MATN2: variants seen among roughly 807,000 people sequenced by gnomAD.
MATN2 encodes matrilin 2, also known as matrilin-2.
MATN2 carries 69 observed loss-of-function variants against 103.2 expected under a neutral mutation model. The ratio of observed to expected loss-of-function variants is 0.67; its 90% CI spans 0.55 to 0.82. The LOEUF (loss-of-function observed/expected upper bound fraction) is 0.82, where lower values mean the gene tolerates loss of function less well. Ranked by LOEUF, MATN2 falls within the 40% of genes least tolerant of loss-of-function variation. The pLI is 0.00. For synonymous variants in MATN2, 429 were observed against 450.2 expected, an observed-to-expected ratio of 0.95 and a Z score of 0.60; for missense variants, 1,023 against 1,211.5, an observed-to-expected ratio of 0.84 and a Z score of 2.31.
At chr8:98,022,880 G>A (rs967584076) in intron 13 of MATN2, among the ~76,000 whole-genome samples, 9 of 152,286 alleles carry the variant, frequency 5.9e-5, no homozygotes, top group African/African-American at 9.6e-5. Context: ...CTGAGATCAG[G>A]AGTTCGAGAC....
chr8:97,993,389 T>C (rs1812462217), intron 6 of MATN2, among the ~76,000 whole-genome samples: 1 of 152,146 alleles, frequency 6.6e-6, no homozygotes, highest in South Asian at 2.1e-4. Context: ...TTTCAAGCAA[T>C]TTTAAACAAT....
intron 14 of MATN2, among the ~76,000 whole-genome samples, chr8:98,029,505 T>C (rs1204093392): frequency 6.6e-6 from 1 of 152,194 alleles, no homozygotes; most frequent in Non-Finnish European, 1.5e-5. Context: ...TTATATGAGG[T>C]GACATCCTCT....
At chr8:97,954,642 G>T (rs1344141494) in intron 4 of MATN2, among the ~76,000 whole-genome samples, 1 of 152,132 alleles carries the variant, frequency 6.6e-6, no homozygotes, top group African/African-American at 2.4e-5. Context: ...GCTCTATAAG[G>T]GTAGGAATTT....
intron 7 of MATN2, among the ~76,000 whole-genome samples, chr8:97,995,135 C>G (rs1170898601): frequency 6.6e-6 from 1 of 152,214 alleles, no homozygotes; most frequent in Non-Finnish European, 1.5e-5. Flanking sequence ...TGCCTGTCAT[C>G]TAGCACATCA....
chr8:97,916,348 G>A (rs1012989657), intron 2 of MATN2, among the ~76,000 whole-genome samples: 1 of 152,166 alleles, frequency 6.6e-6, no homozygotes, highest in African/African-American at 2.4e-5. Flanking sequence ...GAGATTACAG[G>A]CATGAGCCAC....
At position 98,006,259 on chromosome 8, in the gene MATN2, T is replaced by A. The variant is rs113162454; in HGVS notation, c.1328-846T>A. ...TAATGGGGGTAAAAAAAATAGAAAT[T>A]GATTTCATGGAGAATGACAACTCTT... On this transcript the variant is annotated intron_variant, in intron 8 of 18. Coordinates refer to ENST00000254898, the MANE Select transcript of MATN2 (RefSeq NM_002380.5). 1.2e-3 allele frequency among the ~76,000 whole-genome samples: 188 copies of A among 152,328 alleles called. 1 individual carries two copies. The highest frequency in any genetic ancestry group is 4.4e-3 in the African/African-American group (181 of 41,580).
intron 5 of MATN2, among the ~76,000 whole-genome samples, chr8:97,966,213 G>C (rs1471357119): frequency 6.6e-6 from 1 of 151,898 alleles, no homozygotes; most frequent in Non-Finnish European, 1.5e-5. Context: ...GAGCTTCCAT[G>C]GCTGTGAGAG....
chr8:97,874,605 A>G (rs974996110), intron 1 of MATN2, among the ~76,000 whole-genome samples: 1 of 151,738 alleles, frequency 6.6e-6, no homozygotes, highest in African/African-American at 2.4e-5. Context: ...TTGTAGAGAC[A>G]GGGTCTCTCT....
At chr8:97,881,913 CTTTTTTTT>C (rs34704905) in intron 1 of MATN2, among the ~76,000 whole-genome samples, 2 of 84,110 alleles carry the variant, frequency 2.4e-5, no homozygotes, top group African/African-American at 9.1e-5. Context: ...TATTACTTAT[CTTTTTTTT>C]TTTTTTTTTT....
chr8:97,896,183 C>T (rs1818800060), intron 2 of MATN2, among the ~76,000 whole-genome samples: 1 of 152,204 alleles, frequency 6.6e-6, no homozygotes, highest in Non-Finnish European at 1.5e-5. Context: ...AGGCTGATTT[C>T]ATTCTTATTT....
intron 5 of MATN2, among the ~76,000 whole-genome samples, chr8:97,965,661 C>T (rs1443823462): frequency 6.6e-6 from 1 of 151,812 alleles, no homozygotes; most frequent in Non-Finnish European, 1.5e-5. Flanking sequence ...TAGTGAGACC[C>T]CCATCTCTAC....
intron 2 of MATN2, among the ~76,000 whole-genome samples, chr8:97,909,300 T>A (rs1362844284): frequency 3.9e-5 from 6 of 152,250 alleles, no homozygotes; most frequent in Non-Finnish European, 8.8e-5. Flanking sequence ...TATGAGTCAG[T>A]CTGCTCTCTA....
intron 1 of MATN2, among the ~76,000 whole-genome samples, chr8:97,884,773 TAACAACAACAAC>T (rs200495037): frequency 6.6e-6 from 1 of 151,700 alleles, no homozygotes; most frequent in Non-Finnish European, 1.5e-5. Flanking sequence ...TGTCTCCAAA[TAACAACAACAAC>T]AACAACAACA....
intron 17 of MATN2, among the ~76,000 whole-genome samples, 164 bp from the exon 18 acceptor site, chr8:98,033,397 A>C (rs1324870968): frequency 6.6e-6 from 1 of 152,254 alleles, no homozygotes; most frequent in African/African-American, 2.4e-5. Flanking sequence ...CAGTGTTGGA[A>C]GCATATACAG....
At position 97,932,000 on chromosome 8, in the gene MATN2, A is replaced by G. The variant is rs577742321; in HGVS notation, c.712+478A>G. 5.3e-5 allele frequency among the ~76,000 whole-genome samples: 8 copies of G among 152,346 alleles called. No homozygotes were observed. In the South Asian group the frequency reaches 1.4e-3, roughly 28 times the overall value. ...TTATAGGCATGAGCACCCAGCTAAG[A>G]CAGACATTAAATATATAATTATACA... On this transcript the variant is annotated intron_variant, in intron 3 of 18. Transcript: ENST00000254898. The surrounding 1 kb of genome is among the most constrained non-coding windows in gnomAD (Gnocchi z 4.1).
At chr8:97,914,215 C>A (rs1416099297) in intron 2 of MATN2, among the ~76,000 whole-genome samples, 1 of 151,944 alleles carries the variant, frequency 6.6e-6, no homozygotes, top group Non-Finnish European at 1.5e-5. Context: ...GGGGGTCAGG[C>A]CTGGAGAGAT....
At chr8:97,914,198 CA>C (rs1464071762) in intron 2 of MATN2, among the ~76,000 whole-genome samples, 1 of 151,870 alleles carries the variant, frequency 6.6e-6, no homozygotes, top group Non-Finnish European at 1.5e-5. Flanking sequence ...GGAGGGGAAG[CA>C]GGGTTGGGGG....
rs186790764 is a variant in MATN2, at chr8:97,963,383, A to G, written c.958+1853A>G. On this transcript the variant is annotated intron_variant, in intron 5 of 18. Coordinates refer to ENST00000254898, the MANE Select transcript of MATN2 (RefSeq NM_002380.5). ...AGGGACAGTAGAACACAGGGCTTGC[A>G]TTGGTCACAGGGAGTAGATGGGGCA... Among the ~76,000 whole-genome samples the G allele has an allele frequency of 3.9e-5, 6 of 152,264 alleles. No homozygotes were observed. In the East Asian group the frequency reaches 1.2e-3, roughly 29 times the overall value.
In MATN2 at chr8:97,875,765, G is replaced by A. The variant is rs62521907; in HGVS notation, c.-27+6478G>A. Among the ~76,000 whole-genome samples, 848 of 120,590 alleles carry A rather than the reference G, an allele frequency of 7.0e-3. 7 individuals are homozygous for A. The Middle Eastern group carries it at 0.11, about 16-fold the overall frequency. 79.1% of individuals were successfully genotyped at this position (120,590 alleles called of 152,430 possible). A position where few individuals can be genotyped will look rare whatever the true frequency, so the allele number is the denominator to read the frequency against. Reference sequence around the variant, plus strand: ...GGCTGGAGTGCAGTGGCTCGATCTCGGCTCACTGCAAGCTCCACCTCCCAG... The same window carrying A: ...GGCTGGAGTGCAGTGGCTCGATCTCAGCTCACTGCAAGCTCCACCTCCCAG... On this transcript the variant is annotated intron_variant, in intron 1 of 18. Coordinates refer to ENST00000254898, the MANE Select transcript of MATN2 (RefSeq NM_002380.5).
Sources: gnomAD v4.1 joint callset for allele counts (sites outside exome capture counted in the v4.1 genomes callset) on GRCh38, gnomAD v4.1.1 for gene constraint, Gnocchi (gnomAD v3.1) non-coding constraint, MANE v1.5 for transcripts, NCBI Gene and HGNC (gene_info 2026-07-23, HGNC 2026-07-21) for gene names.